MIGA1: variants seen among roughly 807,000 people sequenced by gnomAD.
The protein encoded by MIGA1 is mitoguardin 1, also known as family with sequence similarity 73, member A.
MIGA1 carries 58 observed loss-of-function variants against 82.0 expected under a neutral mutation model. The ratio of observed to expected loss-of-function variants is 0.71; its 90% CI spans 0.57 to 0.88. The LOEUF (loss-of-function observed/expected upper bound fraction) is 0.88, where lower values mean the gene tolerates loss of function less well. Among genes scored for constraint, MIGA1 ranks in the 40% least tolerant of loss-of-function variants. The probability of loss-of-function intolerance (pLI) is 0.00; values close to 1 mark genes in which losing one functional copy is unlikely to be tolerated. For synonymous variants in MIGA1, 249 were observed against 253.6 expected, an observed-to-expected ratio of 0.98 and a Z score of 0.17; for missense variants, 751 against 749.1, an observed-to-expected ratio of 1.00 and a Z score of -0.03.
chr1:77,872,160 G>T (rs1224675911), intron 14 of MIGA1, among the ~76,000 whole-genome samples: 2 of 151,770 alleles, frequency 1.3e-5, no homozygotes, highest in South Asian at 2.1e-4. Flanking sequence ...TAGAGACAAG[G>T]TTTCACCATG....
intron 8 of MIGA1, chr1:77,854,039 C>G (rs1039062840): frequency 5.2e-5 from 8 of 152,972 alleles, no homozygotes; most frequent in East Asian, 3.8e-4. Context: ...CCCTCACCCC[C>G]CTCCTACTCT....
At chr1:77,833,632 C>G (rs1684322171) in intron 7 of MIGA1, among the ~76,000 whole-genome samples, 1 of 152,088 alleles carries the variant, frequency 6.6e-6, no homozygotes. Flanking sequence ...AGAAGAAGGT[C>G]CACTTTCCTT....
rs191003269 is a variant in MIGA1, at chr1:77,863,801, C to A, written c.1375-93C>A. ...TTTTGAATAAGCTGATTAAAAAAAA[C>A]CCCTGCTGTTATAAAACCATAAAGC... On this transcript the variant is annotated intron_variant, in intron 12 of 15. Coordinates refer to ENST00000370791, the MANE Select transcript of MIGA1 (RefSeq NM_198549.4). The A allele has an allele frequency of 5.2e-5, 44 of 850,746 alleles. 1 individual carries two copies. Among genetic ancestry groups the A allele is most frequent in the Admixed American group, 1.5e-4 (4 of 27,508 alleles). 52.7% of individuals were successfully genotyped at this position (850,746 alleles called of 1,614,324 possible).
chr1:77,819,644 C>G (rs1015311836), intron 7 of MIGA1, among the ~76,000 whole-genome samples: 3 of 152,044 alleles, frequency 2.0e-5, no homozygotes, highest in Non-Finnish European at 4.4e-5. Flanking sequence ...AGTGCAGTGG[C>G]TCGATCTTGA....
intron 5 of MIGA1, chr1:77,810,906 C>T: frequency 6.2e-7 from 1 of 1,611,854 alleles, no homozygotes; most frequent in South Asian, 1.1e-5. Flanking sequence ...AAAGTGGTTT[C>T]TTGGTCAATA....
At chr1:77,871,493 C>G (rs1483623215) in intron 14 of MIGA1, among the ~76,000 whole-genome samples, 1 of 151,434 alleles carries the variant, frequency 6.6e-6, no homozygotes, top group Non-Finnish European at 1.5e-5. Flanking sequence ...CAGAGTGAGA[C>G]TCCGTCTCAG....
At chr1:77,826,397 T>G (rs1230519927) in intron 7 of MIGA1, among the ~76,000 whole-genome samples, 1 of 152,210 alleles carries the variant, frequency 6.6e-6, no homozygotes, top group Non-Finnish European at 1.5e-5. Flanking sequence ...TTCCCTCATC[T>G]CTGACCTTGT....
At chr1:77,828,903 C>T (rs1029778250) in intron 7 of MIGA1, among the ~76,000 whole-genome samples, 2 of 152,132 alleles carry the variant, frequency 1.3e-5, no homozygotes, top group Admixed American at 1.3e-4. Context: ...GCTCGAACTC[C>T]TGGGCTCAAG....
chr1:77,805,461 C>CTTTTTTTTTTTTTTTTTT (rs11408292), intron 4 of MIGA1, among the ~76,000 whole-genome samples: 2 of 110,408 alleles, frequency 1.8e-5, no homozygotes, highest in African/African-American at 6.9e-5. Context: ...TATGCCTATT[C>CTTTTTTTTTTTTTTTTTT]TTTTTTTTTT....
chr1:77,865,473 G>A (rs1354984152), intron 13 of MIGA1, among the ~76,000 whole-genome samples: 1 of 152,018 alleles, frequency 6.6e-6, no homozygotes, highest in Non-Finnish European at 1.5e-5. Context: ...TGTGCCTGTG[G>A]TTTCAGTTAC....
chr1:77,806,982 G>A lies in MIGA1; in HGVS notation c.518G>A (p.Ser173Asn). ...TATCCATCTTAATTTTAGGTCCAGA[G>A]TGTCAATTCTTGTCATAGCTGCGCT... The change falls in exon 5 of 16, where the codon AGT becomes AAT. Residue 173 changes from serine (S) to asparagine (N), a missense_variant. By Grantham distance (46) the Ser-to-Asn change is conservative. Around this residue, in one of 3 missense-constraint regions of MIGA1, gnomAD observed 482 missense variants for 439.4 expected, o/e 1.10. Transcript: ENST00000370791. The A allele has an allele frequency of 6.2e-7, 1 of 1,611,200 alleles. No homozygotes were observed. Among genetic ancestry groups the A allele is most frequent in the African/African-American group, 1.3e-5 (1 of 74,950 alleles).
rs1184961134 is a variant in MIGA1 at position 77,843,348 on chromosome 1, T to C, written c.937T>C (p.Phe313Leu). 7.4e-6 allele frequency: 12 copies of C among 1,613,922 alleles called. No homozygotes were observed. Among genetic ancestry groups the C allele is most frequent in the Non-Finnish European group, 1.0e-5 (12 of 1,179,920 alleles). The change falls in exon 8 of 16, where the codon TTT becomes CTT. Residue 313 changes from phenylalanine to leucine, a missense_variant. By Grantham distance (22) the Phe-to-Leu change is conservative (BLOSUM62 0). This residue lies in a region of MIGA1 where 482 missense variants were observed against 439.4 expected (regional missense o/e 1.10). Transcript: ENST00000370791. ...CACCATGAAGGGTAATGTGGAAGAC[T>C]TTGGCCTGCGAGACACCTTGAGCAT...
At chr1:77,858,856 A>G in intron 8 of MIGA1, 82 bp from the exon 9 acceptor site, 1 of 766,112 alleles carries the variant, frequency 1.3e-6, no homozygotes, top group Non-Finnish European at 2.2e-6. Flanking sequence ...CTGGGTTCAA[A>G]TGATCCTCCC....
At chr1:77,869,841 C>T (rs1250079782) in intron 14 of MIGA1, among the ~76,000 whole-genome samples, 4 of 107,254 alleles carry the variant, frequency 3.7e-5, no homozygotes, top group Non-Finnish European at 7.8e-5. Context: ...ACCTCCCGGA[C>T]GGGGCGGCTG....
Position 77,854,984 on chromosome 1 carries a change from A to G in MIGA1, c.997-3954A>G, listed in dbSNP as rs138667405. Among the ~76,000 whole-genome samples, 16 of 152,266 alleles carry G rather than the reference A, an allele frequency of 1.1e-4. 1 individual carries two copies. In the East Asian group the frequency reaches 2.9e-3, roughly 28 times the overall value. On this transcript the variant is annotated intron_variant, in intron 8 of 15. Transcript: ENST00000370791. ...AATCCTTGCCTAAGCCAATGTCTAGAAGGGTTTTTCCAATGTTATCTTCTA... is the reference window on the plus strand; with the variant it reads ...AATCCTTGCCTAAGCCAATGTCTAGGAGGGTTTTTCCAATGTTATCTTCTA...
chr1:77,784,566 C>A (rs758245802), intron 2 of MIGA1, among the ~76,000 whole-genome samples: 63 of 152,310 alleles, frequency 4.1e-4, no homozygotes, highest in South Asian at 1.0e-3. Context: ...CTGTTTTTCA[C>A]AGTAGCTGTA....
intron 2 of MIGA1, among the ~76,000 whole-genome samples, chr1:77,788,073 G>A (rs1050826009): frequency 4.6e-5 from 7 of 152,026 alleles, no homozygotes; most frequent in Non-Finnish European, 7.4e-5. Context: ...TGCAACCTCC[G>A]CTCACTGCAA....
intron 7 of MIGA1, among the ~76,000 whole-genome samples, chr1:77,840,639 C>G (rs887849160): frequency 6.6e-6 from 1 of 151,964 alleles, no homozygotes; most frequent in African/African-American, 2.4e-5. Flanking sequence ...ATGCAGAAAC[C>G]CCGTCTCTAC....
chr1:77,812,216 C>A (rs1028203912), intron 5 of MIGA1, among the ~76,000 whole-genome samples: 2 of 152,136 alleles, frequency 1.3e-5, no homozygotes, highest in African/African-American at 4.8e-5. Flanking sequence ...CGCCTGTAAT[C>A]CCAGCACTTT....
Sources: allele counts gnomAD v4.1 joint callset (sites outside exome capture counted in the v4.1 genomes callset), GRCh38; gene constraint gnomAD v4.1.1; regional missense constraint gnomAD v4.1.1; transcripts MANE v1.5; gene names NCBI Gene and HGNC (gene_info 2026-07-23, HGNC 2026-07-21).